Variants in PTCHD4 observed in about 807,000 individuals in gnomAD.
PTCHD4 encodes patched domain-containing protein 4.
A neutral mutation model predicts 58.1 loss-of-function variants in PTCHD4; 33 were observed. The observed-to-expected ratio is 0.57, with a 90% CI of 0.43 to 0.76. PTCHD4 has a LOEUF of 0.76. Ranked by LOEUF, PTCHD4 falls within the 30% of genes least tolerant of loss-of-function variation. PTCHD4 has a pLI of 0.00. For synonymous variants in PTCHD4, 478 were observed against 409.6 expected, an observed-to-expected ratio of 1.17 and a Z score of -2.02; for missense variants, 1,058 against 1,027.1, an observed-to-expected ratio of 1.03 and a Z score of -0.41.
In PTCHD4 at chr6:47,867,417, T is replaced by C. The variant is rs1158141209; in HGVS notation, c.*10886A>G. 6.6e-6 allele frequency among the ~76,000 whole-genome samples: 1 copy of C among 151,800 alleles called. No individual in the cohort carries two copies. The highest frequency in any genetic ancestry group is 1.5e-5 in the Non-Finnish European group (1 of 67,848). ...ACAGTTAAAATTCAAAAATAGAGAC[T>C]GTGTATTTACATTTTGTAAACCATT... On this transcript the variant is annotated 3_prime_UTR_variant, in exon 5 of 5. Transcript: ENST00000339488.
In PTCHD4 at chr6:48,083,513, A is replaced by G. The variant is rs116341852; in HGVS notation, c.-969-13587T>C. Among the ~76,000 whole-genome samples the G allele has an allele frequency of 3.9e-3, 593 of 152,300 alleles. 6 individuals are homozygous for G. Among genetic ancestry groups the G allele is most frequent in the African/African-American group, 0.013 (558 of 41,564 alleles). On this transcript the variant is annotated intron_variant, in intron 1 of 4. Coordinates refer to ENST00000339488, the MANE Select transcript of PTCHD4 (RefSeq NM_001384253.1). ...ATCCTAATCCTTGTAGCCTTTGACT[A>G]TGTTCTATAACAAAAGGGACATTGC...
chr6:48,058,993 A>G (rs1764517619), intron 3 of PTCHD4, among the ~76,000 whole-genome samples: 1 of 152,238 alleles, frequency 6.6e-6, no homozygotes, highest in African/African-American at 2.4e-5. Flanking sequence ...AAAAGAAGGT[A>G]ATTCCCTGTC....
intron 4 of PTCHD4, among the ~76,000 whole-genome samples, chr6:47,986,437 C>A (rs531532147): frequency 3.8e-4 from 58 of 152,248 alleles, no homozygotes; most frequent in Admixed American, 8.5e-4. Flanking sequence ...GGTATACTTA[C>A]AAAAATTAAA....
chr6:47,956,508 A>G (rs927435857), intron 4 of PTCHD4, among the ~76,000 whole-genome samples: 4 of 151,664 alleles, frequency 2.6e-5, no homozygotes, highest in Middle Eastern at 3.4e-3. Context: ...ATCTCGGCTT[A>G]CTGCAAGCTC....
At chr6:47,892,126 G>A (rs1764399586) in intron 4 of PTCHD4, among the ~76,000 whole-genome samples, 2 of 152,102 alleles carry the variant, frequency 1.3e-5, no homozygotes, top group Non-Finnish European at 2.9e-5. Flanking sequence ...CATAGGAGGA[G>A]GGAGGAGGAG....
intron 1 of PTCHD4, among the ~76,000 whole-genome samples, chr6:48,072,623 G>C (rs1764995683): frequency 6.6e-6 from 1 of 152,122 alleles, no homozygotes; most frequent in African/African-American, 2.4e-5. Context: ...AGTTATCATT[G>C]CTTCTAATCC....
intron 4 of PTCHD4, among the ~76,000 whole-genome samples, chr6:47,934,157 G>T (rs1399751851): frequency 6.6e-6 from 1 of 152,122 alleles, no homozygotes; most frequent in African/African-American, 2.4e-5. Flanking sequence ...CCCACTGATG[G>T]GGAGCCTCAG....
Position 47,935,302 on chromosome 6 carries a change from G to A in PTCHD4, c.899-55366C>T, listed in dbSNP as rs190473643. On this transcript the variant is annotated intron_variant, in intron 4 of 4. Coordinates refer to ENST00000339488, the MANE Select transcript of PTCHD4 (RefSeq NM_001384253.1). ...ACCTCTTAATTTGTGGCTTTGAATT[G>A]TATTTAGAGGTGTGTTCTTATGGTA... is the stretch of plus-strand genomic sequence containing the variant. Among the ~76,000 whole-genome samples, 4 of 152,260 alleles carry A rather than the reference G, an allele frequency of 2.6e-5. No individual in the cohort carries two copies. In the East Asian group the frequency reaches 5.8e-4, roughly 22 times the overall value.
Position 47,872,653 on chromosome 6 carries a change from T to C in PTCHD4, c.*5650A>G, listed in dbSNP as rs1285124247. Among the ~76,000 whole-genome samples the C allele has an allele frequency of 6.6e-6, 1 of 151,654 alleles. No homozygotes were observed. The highest frequency in any genetic ancestry group is 1.5e-5 in the Non-Finnish European group (1 of 67,740). On this transcript the variant is annotated 3_prime_UTR_variant, in exon 5 of 5. Transcript: ENST00000339488. ...TCAACTGGGGAAAAATAGTAGAAGC[T>C]GGCTTTCTATAATTTAAGATAGTGC...
intron 3 of PTCHD4, among the ~76,000 whole-genome samples, chr6:48,048,328 AG>A (rs1247759381): frequency 6.6e-6 from 1 of 152,014 alleles, no homozygotes; most frequent in East Asian, 1.9e-4. Context: ...GCAATTGAGC[AG>A]GTGGTTCCCC....
At chr6:47,966,208 AC>A (rs1214642435) in intron 4 of PTCHD4, among the ~76,000 whole-genome samples, 2 of 152,308 alleles carry the variant, frequency 1.3e-5, no homozygotes, top group Non-Finnish European at 2.9e-5. Context: ...TCAGTTCCAG[AC>A]CACCACAATG....
At chr6:47,922,545 C>T (rs1193232058) in intron 4 of PTCHD4, among the ~76,000 whole-genome samples, 1 of 152,132 alleles carries the variant, frequency 6.6e-6, no homozygotes, top group Non-Finnish European at 1.5e-5. Context: ...ATTGTGGGGA[C>T]CAGATAAAGG....
Position 48,076,847 on chromosome 6 carries a change from C to T in PTCHD4, c.-969-6921G>A, listed in dbSNP as rs539806455. On this transcript the variant is annotated intron_variant, in intron 1 of 4. Transcript: ENST00000339488. The stretch of plus-strand genomic sequence containing the variant: ...AACAGCAAGATTTGCTACAGCTCTG[C>T]GTTAGCCTTATTTGAGTGCAGTTTT... Among the ~76,000 whole-genome samples the T allele has an allele frequency of 8.5e-5, 13 of 152,294 alleles. No homozygotes were observed. In the South Asian group the frequency reaches 1.5e-3, roughly 17 times the overall value.
chr6:48,023,947 A>G (rs1202946578), intron 3 of PTCHD4, among the ~76,000 whole-genome samples: 1 of 152,168 alleles, frequency 6.6e-6, no homozygotes, highest in Non-Finnish European at 1.5e-5. Context: ...TATGGCTTGC[A>G]GTAGTGGTTT....
intron 4 of PTCHD4, among the ~76,000 whole-genome samples, chr6:47,884,852 T>C (rs1269064085): frequency 6.6e-6 from 1 of 152,212 alleles, no homozygotes; most frequent in Non-Finnish European, 1.5e-5. Context: ...CAGAGGATGA[T>C]GTTAATGACA....
At chr6:47,976,255 C>T (rs185234060) in intron 4 of PTCHD4, among the ~76,000 whole-genome samples, 9 of 152,322 alleles carry the variant, frequency 5.9e-5, no homozygotes, top group Admixed American at 5.9e-4. Context: ...ATTCCTTAGT[C>T]TTCTCAGCAT....
At chr6:47,930,419 T>C (rs990122270) in intron 4 of PTCHD4, among the ~76,000 whole-genome samples, 4 of 152,194 alleles carry the variant, frequency 2.6e-5, no homozygotes, top group African/African-American at 9.7e-5. Context: ...GTTCTGAGAC[T>C]CTACAACATC....
intron 4 of PTCHD4, among the ~76,000 whole-genome samples, chr6:48,007,561 T>C (rs1177496670): frequency 6.6e-6 from 1 of 152,176 alleles, no homozygotes; most frequent in African/African-American, 2.4e-5. Context: ...TATATTACAA[T>C]CCAGCATCAG....
At chr6:47,899,508 T>G in intron 4 of PTCHD4, 35 of 808,672 alleles carry the variant, frequency 4.3e-5, no homozygotes, top group South Asian at 5.7e-5. Flanking sequence ...GGACAGAAAA[T>G]GAGTCTAGTG....
Sources: gnomAD v4.1 joint callset for allele counts (sites outside exome capture counted in the v4.1 genomes callset) on GRCh38, gnomAD v4.1.1 for gene constraint, MANE v1.5 for transcripts, NCBI Gene and HGNC (gene_info 2026-07-23, HGNC 2026-07-21) for gene names.